ADGRL3: variants seen among roughly 807,000 people sequenced by gnomAD.
ADGRL3 encodes adhesion G protein-coupled receptor L3, also known as calcium-independent alpha-latrotoxin receptor 3.
Under a neutral mutation model 153.5 loss-of-function variants are expected in ADGRL3, and 62 were observed. That is an observed-to-expected ratio of 0.40 (90% CI 0.33 to 0.50). The LOEUF is 0.50. Ranked by LOEUF, ADGRL3 falls within the 20% of genes least tolerant of loss-of-function variation. The probability of loss-of-function intolerance (pLI) is 0.47; values close to 1 mark genes in which losing one functional copy is unlikely to be tolerated. For missense variants in ADGRL3, 1,641 were observed against 1,859.4 expected (o/e 0.88, Z 2.16); for synonymous variants, 710 against 672.5 (o/e 1.06, Z -0.86).
intron 6 of ADGRL3, among the ~76,000 whole-genome samples, chr4:61,710,915 A>G (rs2151463535): frequency 6.6e-6 from 1 of 152,292 alleles, no homozygotes; most frequent in Middle Eastern, 3.4e-3. Flanking sequence ...CTCACATGCT[A>G]TGACATGACT....
At chr4:61,378,430 T>A (rs564256045) in intron 1 of ADGRL3, among the ~76,000 whole-genome samples, 1 of 152,170 alleles carries the variant, frequency 6.6e-6, no homozygotes, top group East Asian at 1.9e-4. Flanking sequence ...CATTTAGGAC[T>A]AAACTTTGTA....
In ADGRL3 at chr4:61,935,086, A is replaced by C. The variant is rs2098832580; in HGVS notation, c.2296+63A>C. 3 of 1,406,596 alleles carry C rather than the reference A, an allele frequency of 2.1e-6. No individual in the cohort carries two copies. The South Asian group carries it at 3.6e-5, about 17-fold the overall frequency. The allele number at this position is 1,406,596 out of a possible 1,614,324, so 87.1% of individuals were successfully genotyped here. ...TTGTATATCAGAAGAGGGAAAAGAAAAAAGTATCTCTGGTGTCCTAGATAT... is the reference window on the plus strand; with the variant it reads ...TTGTATATCAGAAGAGGGAAAAGAACAAAGTATCTCTGGTGTCCTAGATAT... On this transcript the variant is annotated intron_variant, in intron 14 of 26. Transcript: ENST00000683033.
chr4:61,893,531 A>G (rs2149615189), intron 10 of ADGRL3, among the ~76,000 whole-genome samples: 1 of 152,240 alleles, frequency 6.6e-6, no homozygotes, highest in South Asian at 2.1e-4. Context: ...GTAACAAAAA[A>G]GAAAGTTTGA....
chr4:62,064,092 T>G (rs1741668274), intron 25 of ADGRL3, among the ~76,000 whole-genome samples: 1 of 152,108 alleles, frequency 6.6e-6, no homozygotes, highest in Admixed American at 6.6e-5. Flanking sequence ...TTAGTACTGA[T>G]GAAAGCATTT....
chr4:61,459,843 A>G (rs979155567), intron 2 of ADGRL3, among the ~76,000 whole-genome samples: 1 of 151,870 alleles, frequency 6.6e-6, no homozygotes, highest in African/African-American at 2.4e-5. Context: ...ACTGTGCAAA[A>G]CTTCTGGATC....
Position 61,733,461 on chromosome 4 carries a change from G to T in ADGRL3, c.1306G>T (p.Asp436Tyr). ...PNSYQYIAAV[D>Y]YNPRDNLLYV... is the part of the protein sequence containing the mutation. ...TTCATACCAGTACATTGCAGCTGTGGATTACAACCCCAGGGACAACCTACT... is the reference window on the plus strand; with the variant it reads ...TTCATACCAGTACATTGCAGCTGTGTATTACAACCCCAGGGACAACCTACT... The change falls in exon 8 of 27, where the codon GAT becomes TAT. Residue 436 changes from aspartate (D) to tyrosine (Y), a missense_variant. Transcript: ENST00000683033. 6.2e-7 allele frequency: 1 copy of T among 1,613,634 alleles called. No homozygotes were observed. Among genetic ancestry groups the T allele is most frequent in the Non-Finnish European group, 8.5e-7 (1 of 1,179,736 alleles).
intron 25 of ADGRL3, among the ~76,000 whole-genome samples, chr4:62,057,141 A>G (rs939524470): frequency 6.6e-6 from 1 of 152,248 alleles, no homozygotes; most frequent in African/African-American, 2.4e-5. Context: ...ATGTTTCTGA[A>G]TGATAGATTC....
chr4:61,731,110 T>A (rs562835770), intron 7 of ADGRL3, among the ~76,000 whole-genome samples: 1 of 151,984 alleles, frequency 6.6e-6, no homozygotes, highest in Middle Eastern at 3.2e-3. Flanking sequence ...TGGATACTTA[T>A]CCTTTATAAT....
intron 21 of ADGRL3, among the ~76,000 whole-genome samples, chr4:62,026,001 A>G (rs1256468083): frequency 1.3e-5 from 2 of 152,192 alleles, no homozygotes; most frequent in African/African-American, 2.4e-5. Context: ...CTATAAAACT[A>G]GATTATCTAG....
At chr4:61,969,513 C>T (rs1265606497) in intron 17 of ADGRL3, among the ~76,000 whole-genome samples, 1 of 151,836 alleles carries the variant, frequency 6.6e-6, no homozygotes, top group Non-Finnish European at 1.5e-5. Context: ...AGTTGTTTAG[C>T]CTTTTTTTTT....
chr4:61,344,310 A>G (rs1002933901), intron 1 of ADGRL3, among the ~76,000 whole-genome samples: 7 of 152,212 alleles, frequency 4.6e-5, no homozygotes, highest in Admixed American at 4.6e-4. Flanking sequence ...GTTGCTTTGC[A>G]TAATTTAGTG....
chr4:61,745,282 T>A (rs2096640549), intron 8 of ADGRL3, among the ~76,000 whole-genome samples: 1 of 152,154 alleles, frequency 6.6e-6, no homozygotes, highest in African/African-American at 2.4e-5. Flanking sequence ...TGGAAAACAC[T>A]CTGCAGGATA....
chr4:61,996,810 A>G (rs1380873153), intron 20 of ADGRL3, among the ~76,000 whole-genome samples: 9 of 152,146 alleles, frequency 5.9e-5, no homozygotes, highest in Non-Finnish European at 1.0e-4. Context: ...TAAAAGCAAA[A>G]CTTTAACATT....
chr4:61,538,333 T>C (rs191349350), intron 4 of ADGRL3, among the ~76,000 whole-genome samples: 7 of 152,280 alleles, frequency 4.6e-5, no homozygotes, highest in Non-Finnish European at 2.9e-5. Flanking sequence ...GATGTGTGAG[T>C]TGACACACCA....
chr4:62,015,524 G>A (rs530748496), intron 21 of ADGRL3, among the ~76,000 whole-genome samples: 1 of 152,202 alleles, frequency 6.6e-6, no homozygotes, highest in East Asian at 1.9e-4. Flanking sequence ...TCAAAAGGTA[G>A]CACATTTTCT....
chr4:61,763,788 G>A (rs977759469), intron 8 of ADGRL3, among the ~76,000 whole-genome samples: 2 of 152,048 alleles, frequency 1.3e-5, no homozygotes, highest in Non-Finnish European at 2.9e-5. Flanking sequence ...AAGGTTGAAA[G>A]TTACTATAAA....
At chr4:61,543,303 T>C (rs1393425025) in intron 4 of ADGRL3, among the ~76,000 whole-genome samples, 2 of 151,944 alleles carry the variant, frequency 1.3e-5, no homozygotes, top group South Asian at 2.1e-4. Flanking sequence ...CATTGTAATC[T>C]CAAAGACCCT....
intron 5 of ADGRL3, among the ~76,000 whole-genome samples, chr4:61,663,001 A>G (rs2094655723): frequency 6.6e-6 from 1 of 152,138 alleles, no homozygotes. Context: ...GGAACTACCC[A>G]CTGTAAGTCT....
At chr4:61,762,623 GA>G (rs1023115095) in intron 8 of ADGRL3, among the ~76,000 whole-genome samples, 4 of 152,056 alleles carry the variant, frequency 2.6e-5, no homozygotes, top group Admixed American at 6.6e-5. Context: ...AAATAACTGT[GA>G]AAAAAATTTT....
Sources: gnomAD v4.1 joint callset for allele counts (sites outside exome capture counted in the v4.1 genomes callset) on GRCh38, gnomAD v4.1.1 for gene constraint, MANE v1.5 for transcripts, NCBI Gene and HGNC (gene_info 2026-07-23, HGNC 2026-07-21) for gene names.